The following TBC1D4 variants were observed in gnomAD, a reference collection of about 807,000 sequenced individuals.
The protein encoded by TBC1D4 is TBC1 domain family member 4, also known as TBC (Tre-2, BUB2, CDC16) domain-containing protein.
TBC1D4 carries 121 observed loss-of-function variants against 142.5 expected under a neutral mutation model. The observed-to-expected ratio is 0.85, with a 90% CI of 0.73 to 0.99. The LOEUF (loss-of-function observed/expected upper bound fraction) is 0.99. TBC1D4 is among the 50% of genes least tolerant of loss of function. The probability of loss-of-function intolerance (pLI) is 0.00; values close to 1 mark genes in which losing one functional copy is unlikely to be tolerated. For missense variants in TBC1D4, 1,475 were observed against 1,606.6 expected (o/e 0.92, Z 1.40); for synonymous variants, 630 against 628.2 (o/e 1.00, Z -0.04).
chr13:75,344,957 T>C (rs1280846619), intron 5 of TBC1D4, among the ~76,000 whole-genome samples: 4 of 152,224 alleles, frequency 2.6e-5, no homozygotes, highest in Non-Finnish European at 5.9e-5. Context: ...ACTTTGTACC[T>C]AAGCATAAAA....
intron 1 of TBC1D4, among the ~76,000 whole-genome samples, chr13:75,447,361 T>A (rs1300403642): frequency 6.6e-6 from 1 of 152,132 alleles, no homozygotes; most frequent in Non-Finnish European, 1.5e-5. Context: ...AAGCCCTAGG[T>A]GTAATCATTA....
At chr13:75,382,585 C>T (rs959819210) in intron 1 of TBC1D4, among the ~76,000 whole-genome samples, 6 of 152,150 alleles carry the variant, frequency 3.9e-5, no homozygotes, top group Non-Finnish European at 8.8e-5. Flanking sequence ...AATTTTAAAA[C>T]AGATGCCCTA....
intron 8 of TBC1D4, among the ~76,000 whole-genome samples, chr13:75,330,141 A>G (rs982348420): frequency 6.6e-6 from 1 of 151,910 alleles, no homozygotes; most frequent in African/African-American, 2.4e-5. Flanking sequence ...TTAACTTTTT[A>G]CCTTGTTCTC....
chr13:75,299,166 A>G (rs1876252959), intron 17 of TBC1D4, among the ~76,000 whole-genome samples, 164 bp downstream of exon 17: 1 of 152,244 alleles, frequency 6.6e-6, no homozygotes, highest in Admixed American at 6.5e-5. Flanking sequence ...GTTTACCTAA[A>G]TAGCAAATCC....
intron 1 of TBC1D4, among the ~76,000 whole-genome samples, chr13:75,472,610 G>A (rs1298995445): frequency 6.6e-6 from 1 of 152,062 alleles, no homozygotes; most frequent in Non-Finnish European, 1.5e-5. Context: ...AACAGGAAGG[G>A]GCGAGGACCA....
intron 12 of TBC1D4, 148 bp from the exon 13 acceptor site, chr13:75,313,046 C>T: frequency 1.2e-6 from 1 of 852,888 alleles, no homozygotes; most frequent in Non-Finnish European, 1.9e-6. Context: ...ACCAGGCACA[C>T]TAGTCACCCA....
chr13:75,378,083 T>C (rs1322428454), intron 1 of TBC1D4, among the ~76,000 whole-genome samples: 1 of 152,184 alleles, frequency 6.6e-6, no homozygotes, highest in East Asian at 1.9e-4. Flanking sequence ...TGGCTTTTTG[T>C]TAGTGTAAAA....
At chr13:75,371,684 C>T (rs182791702) in intron 1 of TBC1D4, among the ~76,000 whole-genome samples, 128 of 152,290 alleles carry the variant, frequency 8.4e-4, no homozygotes, top group Non-Finnish European at 1.0e-3. Context: ...GTGACCCCTA[C>T]ATGGCATCAA....
rs1879254321 is a variant in TBC1D4 at position 75,326,330 on chromosome 13, G to A, written c.1900C>T (p.Pro634Ser). The A allele has an allele frequency of 1.9e-6, 3 of 1,613,990 alleles. No individual in the cohort carries two copies. Among genetic ancestry groups the A allele is most frequent in the African/African-American group, 1.3e-5 (1 of 74,882 alleles). Residue 634 changes from proline to serine, a missense_variant, in exon 10 of 21, where the codon CCG becomes TCG. Around this residue, in one of 2 missense-constraint regions of TBC1D4, gnomAD observed 1,227 missense variants for 1,267.7 expected, o/e 0.97. Transcript: ENST00000377636. ...GTGTGTGCCCGTCTTCGAAACTGCGGGGAGTCGGAATCCTCTTCGGGAAAC... is the reference window on the plus strand; with the variant it reads ...GTGTGTGCCCGTCTTCGAAACTGCGAGGAGTCGGAATCCTCTTCGGGAAAC... ...QTFPEEDSDS[P>S]QFRRRAHTFS...
chr13:75,307,479 A>G (rs1877299084), intron 14 of TBC1D4, among the ~76,000 whole-genome samples: 1 of 152,172 alleles, frequency 6.6e-6, no homozygotes. Flanking sequence ...GAGCAGACAC[A>G]AGAGTATACT....
At chr13:75,340,550 C>T (rs563134146) in intron 7 of TBC1D4, among the ~76,000 whole-genome samples, 3 of 152,088 alleles carry the variant, frequency 2.0e-5, no homozygotes, top group Non-Finnish European at 2.9e-5. Context: ...TTCTAAATCA[C>T]GAACATGTAC....
At chr13:75,387,845 G>A (rs1193703933) in intron 1 of TBC1D4, among the ~76,000 whole-genome samples, 1 of 152,156 alleles carries the variant, frequency 6.6e-6, no homozygotes, top group African/African-American at 2.4e-5. Context: ...TTAGCTTTCT[G>A]TTACTGCCTT....
At chr13:75,305,353 A>G (rs1253189125) in intron 15 of TBC1D4, among the ~76,000 whole-genome samples, 1 of 152,214 alleles carries the variant, frequency 6.6e-6, no homozygotes, top group Non-Finnish European at 1.5e-5. Context: ...ACTGTATCCA[A>G]TAAGAAATAG....
chr13:75,342,606 G>T (rs930333923), intron 5 of TBC1D4, among the ~76,000 whole-genome samples: 1 of 151,898 alleles, frequency 6.6e-6, no homozygotes, highest in Non-Finnish European at 1.5e-5. Context: ...TTTATATTAA[G>T]TCCTTGGGAA....
intron 1 of TBC1D4, among the ~76,000 whole-genome samples, chr13:75,457,583 A>G (rs187382447): frequency 6.6e-5 from 10 of 152,340 alleles, no homozygotes; most frequent in Middle Eastern, 3.4e-3. Context: ...CCGGAGTACA[A>G]TCAAGACCAT....
chr13:75,464,576 G>A (rs1888094780), intron 1 of TBC1D4, among the ~76,000 whole-genome samples: 1 of 152,222 alleles, frequency 6.6e-6, no homozygotes, highest in East Asian at 1.9e-4. Flanking sequence ...AAGGCTGTCA[G>A]CCCCCTGATT....
At chr13:75,335,319 C>T (rs1451717485) in intron 8 of TBC1D4, among the ~76,000 whole-genome samples, 1 of 152,180 alleles carries the variant, frequency 6.6e-6, no homozygotes, top group Non-Finnish European at 1.5e-5. Context: ...TGCCACAGCC[C>T]AGAACACCCA....
At chr13:75,425,862 G>T (rs975941264) in intron 1 of TBC1D4, among the ~76,000 whole-genome samples, 1 of 152,114 alleles carries the variant, frequency 6.6e-6, no homozygotes, top group Non-Finnish European at 1.5e-5. Context: ...CAGTTAGATA[G>T]GAGGAACATG....
intron 1 of TBC1D4, among the ~76,000 whole-genome samples, chr13:75,383,096 C>T (rs12583773): frequency 0.028 from 4,332 of 152,212 alleles, 165 homozygotes; most frequent in African/African-American, 0.082. Context: ...CAGAGGCAGG[C>T]GGCTCACTTG....
Sources: gnomAD v4.1 joint callset for allele counts (sites outside exome capture counted in the v4.1 genomes callset) on GRCh38, gnomAD v4.1.1 for gene constraint, gnomAD v4.1.1 regional missense constraint, MANE v1.5 for transcripts, NCBI Gene and HGNC (gene_info 2026-07-23, HGNC 2026-07-21) for gene names.